The following ASAP2 variants were observed in gnomAD, a reference collection of about 807,000 sequenced individuals.
ASAP2 encodes arf-GAP with SH3 domain, ANK repeat and PH domain-containing protein 2.
ASAP2 carries 45 observed loss-of-function variants against 131.4 expected under a neutral mutation model. The observed-to-expected ratio is 0.34, with a 90% CI of 0.27 to 0.44. ASAP2 has a LOEUF of 0.44. Among genes scored for constraint, ASAP2 ranks in the 20% least tolerant of loss-of-function variants. The probability of loss-of-function intolerance (pLI) is 1.00; values close to 1 mark genes in which losing one functional copy is unlikely to be tolerated. For missense variants in ASAP2, 1,011 were observed against 1,297.0 expected (o/e 0.78, Z 3.39); for synonymous variants, 510 against 503.0 (o/e 1.01, Z -0.19).
intron 3 of ASAP2, among the ~76,000 whole-genome samples, chr2:9,306,236 T>G (rs1243387619): frequency 1.8e-5 from 2 of 109,024 alleles, no homozygotes; most frequent in Admixed American, 1.1e-4. Context: ...GTTGTAGTAC[T>G]GGGGGTGGAG....
At chr2:9,237,649 G>A (rs1448795101) in intron 1 of ASAP2, among the ~76,000 whole-genome samples, 3 of 151,910 alleles carry the variant, frequency 2.0e-5, no homozygotes, top group African/African-American at 7.3e-5. Flanking sequence ...CAAACTCCTG[G>A]GCTCAAGAGA....
At chr2:9,227,351 G>A (rs1662850116) in intron 1 of ASAP2, among the ~76,000 whole-genome samples, 1 of 152,136 alleles carries the variant, frequency 6.6e-6, no homozygotes, top group Admixed American at 6.6e-5. Flanking sequence ...CCTCAGTGTC[G>A]TTCAGCAGTG....
intron 1 of ASAP2, among the ~76,000 whole-genome samples, chr2:9,270,683 A>ATTTTTGTACC (rs1263433458): frequency 1.9e-4 from 28 of 146,908 alleles, no homozygotes; most frequent in Admixed American, 8.2e-4. Context: ...GTCCACCTAT[A>ATTTTTGTACC]TTTTTGTACC....
chr2:9,355,507 A>G (rs1361639734), intron 12 of ASAP2, among the ~76,000 whole-genome samples: 1 of 152,192 alleles, frequency 6.6e-6, no homozygotes, highest in African/African-American at 2.4e-5. Flanking sequence ...AACACTTGTA[A>G]AACTGTGCTG....
At chr2:9,235,035 C>T (rs11902094) in intron 1 of ASAP2, among the ~76,000 whole-genome samples, 33,802 of 151,900 alleles carry the variant, frequency 0.22, 4,126 homozygotes, top group African/African-American at 0.29. Context: ...CTTCTGCTTG[C>T]TCTGCCTCTC....
chr2:9,326,625 A>G (rs1158011341), intron 6 of ASAP2, among the ~76,000 whole-genome samples: 1 of 152,230 alleles, frequency 6.6e-6, no homozygotes, highest in Non-Finnish European at 1.5e-5. Context: ...AAACATCTTT[A>G]TATGTCCCTA....
chr2:9,250,896 G>GGGCTT (rs1195161067), intron 1 of ASAP2, among the ~76,000 whole-genome samples: 4 of 152,224 alleles, frequency 2.6e-5, no homozygotes, highest in African/African-American at 9.6e-5. Context: ...ACAAGACTCG[G>GGGCTT]GGCTTGCTCC....
At chr2:9,316,848 A>G (rs1426478220) in intron 3 of ASAP2, among the ~76,000 whole-genome samples, 1 of 151,886 alleles carries the variant, frequency 6.6e-6, no homozygotes, top group African/African-American at 2.4e-5. Context: ...AGGGAGAAGA[A>G]TGGGGGCACC....
At chr2:9,306,831 TC>T (rs1668973734) in intron 3 of ASAP2, among the ~76,000 whole-genome samples, 1 of 152,128 alleles carries the variant, frequency 6.6e-6, no homozygotes, top group Admixed American at 6.5e-5. Context: ...TACTCCAGGT[TC>T]CAGCTTAGAA....
chr2:9,385,798 A>C (rs1300521444), intron 21 of ASAP2, among the ~76,000 whole-genome samples: 1 of 152,204 alleles, frequency 6.6e-6, no homozygotes, highest in Non-Finnish European at 1.5e-5. Context: ...CCCTTCCTTT[A>C]TCAGTTTGGG....
chr2:9,256,855 G>C (rs1001876352), intron 1 of ASAP2, among the ~76,000 whole-genome samples: 1 of 152,236 alleles, frequency 6.6e-6, no homozygotes, highest in East Asian at 1.9e-4. Flanking sequence ...CCGAGAGTCA[G>C]TATGACTGTC....
intron 21 of ASAP2, among the ~76,000 whole-genome samples, chr2:9,386,982 A>G: frequency 6.6e-6 from 1 of 151,930 alleles, no homozygotes; most frequent in South Asian, 2.1e-4. Flanking sequence ...AGGCGGGCGG[A>G]TCACGAGGTC....
At chr2:9,398,050 G>T (rs1195226430) in intron 24 of ASAP2, among the ~76,000 whole-genome samples, 1 of 151,648 alleles carries the variant, frequency 6.6e-6, no homozygotes, top group East Asian at 2.0e-4. Context: ...GAGCCACTGC[G>T]CCCGGCCTCA....
At chr2:9,350,684 A>G (rs1236883462) in intron 11 of ASAP2, 124 bp from the exon 12 acceptor site, 37 of 735,426 alleles carry the variant, frequency 5.0e-5, no homozygotes, top group Non-Finnish European at 6.8e-5. Flanking sequence ...TCAAGTCTGA[A>G]GGCCACCTTT....
chr2:9,339,134 G>T (rs142153749), intron 9 of ASAP2, among the ~76,000 whole-genome samples: 1 of 152,132 alleles, frequency 6.6e-6, no homozygotes, highest in African/African-American at 2.4e-5. Flanking sequence ...AGCCAAAATC[G>T]CACTGCTGCA....
At position 9,356,274 on chromosome 2, in the gene ASAP2, T is replaced by C; in HGVS notation, c.1256T>C (p.Leu419Pro). The C allele has an allele frequency of 6.2e-7, 1 of 1,614,004 alleles. No homozygotes were observed. The highest frequency in any genetic ancestry group is 8.5e-7 in the Non-Finnish European group (1 of 1,179,962). Residue 419 changes from leucine to proline, a missense_variant, in exon 14 of 28, where the codon CTG becomes CCG. Around this residue, in one of 2 missense-constraint regions of ASAP2, gnomAD observed 359 missense variants for 598.1 expected, o/e 0.60. Transcript: ENST00000281419. Reference protein sequence around the residue: ...NTGENNIVQELTKEIISEVQR... With the variant: ...NTGENNIVQEPTKEIISEVQR... Reference sequence around the variant, plus strand: ...GGAGAAAATAACATCGTCCAAGAACTGACAAAGGAGATCATCTCAGAAGTG... The same window carrying C: ...GGAGAAAATAACATCGTCCAAGAACCGACAAAGGAGATCATCTCAGAAGTG...
rs1004587249 is a variant in ASAP2 at position 9,311,657 on chromosome 2, G to C, written c.346-6867G>C. Among the ~76,000 whole-genome samples the C allele has an allele frequency of 6.6e-6, 1 of 152,212 alleles. No individual in the cohort carries two copies. Among genetic ancestry groups the C allele is most frequent in the African/African-American group, 2.4e-5 (1 of 41,458 alleles). ...CACAAGGGATATGTAATCATCTTCT[G>C]GCTGTGGTTTCCGTCCCTCTCGGCC... On this transcript the variant is annotated intron_variant, in intron 3 of 27. Transcript: ENST00000281419. The surrounding 1 kb of genome is among the most constrained non-coding windows in gnomAD (Gnocchi z 5.2).
At chr2:9,306,946 C>T (rs12478944) in intron 3 of ASAP2, among the ~76,000 whole-genome samples, 42,140 of 151,968 alleles carry the variant, frequency 0.28, 6,399 homozygotes, top group Non-Finnish European at 0.36. Context: ...TCCAGCCTCT[C>T]GGAGGCCTGC....
intron 9 of ASAP2, among the ~76,000 whole-genome samples, chr2:9,336,661 C>G (rs1433470567): frequency 6.6e-6 from 1 of 152,154 alleles, no homozygotes; most frequent in African/African-American, 2.4e-5. Context: ...TAGAAAGGAC[C>G]TACAACATGG....
Sources: allele counts gnomAD v4.1 joint callset (sites outside exome capture counted in the v4.1 genomes callset), GRCh38; gene constraint gnomAD v4.1.1; regional missense constraint gnomAD v4.1.1; non-coding constraint Gnocchi (gnomAD v3.1); transcripts MANE v1.5; gene names NCBI Gene and HGNC (gene_info 2026-07-23, HGNC 2026-07-21).